VAMP7: variants seen among roughly 807,000 people sequenced by gnomAD.
VAMP7 encodes the protein vesicle associated membrane protein 7, also known as vesicle-associated membrane protein 7.
In VAMP7, 14 loss-of-function variants were observed where a neutral mutation model predicts 29.6. That is an observed-to-expected ratio of 0.47 (90% confidence interval 0.31 to 0.74). VAMP7 has a LOEUF of 0.74. VAMP7 is among the 30% of genes least tolerant of loss of function. The probability of loss-of-function intolerance (pLI) is 0.05; values close to 1 mark genes in which losing one functional copy is unlikely to be tolerated. For missense variants in VAMP7, 223 were observed against 262.4 expected (o/e 0.85, Z 1.04); for synonymous variants, 95 against 88.1 (o/e 1.08, Z -0.44).
chrX:155,925,203 A>T (rs1461282941), intron 6 of VAMP7, among the ~76,000 whole-genome samples: 3 of 152,096 alleles, frequency 2.0e-5, no homozygotes, highest in Non-Finnish European at 4.4e-5. Context: ...TAATGTTTAT[A>T]TTTTGACTTC....
intron 5 of VAMP7, among the ~76,000 whole-genome samples, chrX:155,912,803 C>G (rs1476581408): frequency 6.6e-6 from 1 of 152,030 alleles, no homozygotes; most frequent in African/African-American, 2.4e-5. Context: ...CTATTGTGAA[C>G]AGTGCTGCAA....
At chrX:155,887,944 A>AG (rs1300502409) in intron 1 of VAMP7, among the ~76,000 whole-genome samples, 1 of 151,840 alleles carries the variant, frequency 6.6e-6, no homozygotes, top group Admixed American at 6.6e-5. Flanking sequence ...TCTCAAAAAA[A>AG]AAAAAAAAAG....
At chrX:155,896,927 A>G (rs2065995785) in intron 3 of VAMP7, among the ~76,000 whole-genome samples, 1 of 151,906 alleles carries the variant, frequency 6.6e-6, no homozygotes. Flanking sequence ...AACACACACA[A>G]TTCTAACAAA....
chrX:155,923,612 CTT>C (rs1490667832), intron 6 of VAMP7, among the ~76,000 whole-genome samples: 1 of 151,494 alleles, frequency 6.6e-6, no homozygotes, highest in East Asian at 1.9e-4. Context: ...AAGATTTTCT[CTT>C]TATCATTGGT....
intron 5 of VAMP7, among the ~76,000 whole-genome samples, chrX:155,919,450 A>G (rs28538658): frequency 0.029 from 4,489 of 152,202 alleles, 240 homozygotes; most frequent in African/African-American, 0.1. Context: ...ATATGCAAGG[A>G]CTTTTTCTTG....
At chrX:155,900,786 A>G (rs1035678920) in intron 5 of VAMP7, among the ~76,000 whole-genome samples, 199 bp downstream of exon 5, 82 of 152,222 alleles carry the variant, frequency 5.4e-4, no homozygotes, top group South Asian at 1.0e-3. Flanking sequence ...TCTTCATTCT[A>G]AATTTACTAG....
intron 6 of VAMP7, 97 bp from the exon 7 acceptor site, chrX:155,939,604 A>G: frequency 1.1e-6 from 1 of 896,386 alleles, no homozygotes; most frequent in South Asian, 1.4e-5. Flanking sequence ...CATTGGACTT[A>G]AATGGAATTA....
At chrX:155,898,879 C>G (rs111583055) in intron 4 of VAMP7, among the ~76,000 whole-genome samples, 9,739 of 152,084 alleles carry the variant, frequency 0.064, 447 homozygotes, top group Non-Finnish European at 0.1. Flanking sequence ...TGTAAACTTT[C>G]TGTAAATGGA....
Position 155,938,193 on chromosome X carries a change from A to C in VAMP7, c.502-1508A>C, listed in dbSNP as rs1160008406. 3.9e-5 allele frequency among the ~76,000 whole-genome samples: 6 copies of C among 152,040 alleles called. No individual in the cohort carries two copies. The East Asian group carries it at 1.2e-3, about 29-fold the overall frequency. ...GTTCCATTAAGGACTGTTTGTCCCC[A>C]TTGCTTTTTTTGTCTCCTCACTTTA... On this transcript the variant is annotated intron_variant, in intron 6 of 7. Coordinates refer to ENST00000286448, the MANE Select transcript of VAMP7 (RefSeq NM_005638.6).
At chrX:155,920,602 C>T (rs2066381502) in intron 6 of VAMP7, among the ~76,000 whole-genome samples, 1 of 152,164 alleles carries the variant, frequency 6.6e-6, no homozygotes, top group African/African-American at 2.4e-5. Flanking sequence ...TGGTTAAGAA[C>T]ACAGGCTCTA....
chrX:155,921,416 A>G (rs1383198100), intron 6 of VAMP7, among the ~76,000 whole-genome samples: 3 of 152,028 alleles, frequency 2.0e-5, no homozygotes, highest in Non-Finnish European at 4.4e-5. Flanking sequence ...AATAATCCCC[A>G]ATAGACGTAA....
Position 155,942,218 on chromosome X carries a change from A to T in VAMP7, c.*267A>T. The T allele has an allele frequency of 1.3e-6, 2 of 1,489,580 alleles. No individual in the cohort carries two copies. Among genetic ancestry groups the T allele is most frequent in the Non-Finnish European group, 1.8e-6 (2 of 1,115,842 alleles). 92.3% of individuals were successfully genotyped at this position (1,489,580 alleles called of 1,614,324 possible). A position where few individuals can be genotyped will look rare whatever the true frequency, so the allele number is the denominator to read the frequency against. On this transcript the variant is annotated 3_prime_UTR_variant, in exon 8 of 8. Transcript: ENST00000286448. ...TTTCTTTGGTTTGTTAACTAGTGTC[A>T]TCTATTTAGAGAAACATTTTTGTTT...
At position 155,942,266 on chromosome X, in the gene VAMP7, G is replaced by C; in HGVS notation, c.*315G>C. On this transcript the variant is annotated 3_prime_UTR_variant, in exon 8 of 8. Transcript: ENST00000286448. ...TTTTTAATTGCTCAAAGCTGTCGCC[G>C]CTAGTCTTATGAGCTATCTACTAAA... The C allele has an allele frequency of 1.6e-6, 2 of 1,231,228 alleles. No homozygotes were observed. The highest frequency in any genetic ancestry group is 1.6e-5 in the South Asian group (1 of 61,730). The allele number at this position is 1,231,228 out of a possible 1,614,324, so 76.3% of individuals were successfully genotyped here. A position where few individuals can be genotyped will look rare whatever the true frequency, so the allele number is the denominator to read the frequency against.
chrX:155,898,968 A>G (rs1476594133), intron 4 of VAMP7, among the ~76,000 whole-genome samples: 1 of 151,972 alleles, frequency 6.6e-6, no homozygotes, highest in Non-Finnish European at 1.5e-5. Flanking sequence ...TGTTGTATAA[A>G]TCAGTAGTTT....
chrX:155,896,162 T>C (rs983463597), intron 3 of VAMP7, among the ~76,000 whole-genome samples: 26 of 152,228 alleles, frequency 1.7e-4, no homozygotes, highest in Non-Finnish European at 3.5e-4. Context: ...ATTTGTCATA[T>C]AGAGCAGCAA....
intron 5 of VAMP7, among the ~76,000 whole-genome samples, chrX:155,917,594 G>A (rs2066332267): frequency 6.6e-6 from 1 of 152,138 alleles, no homozygotes; most frequent in Non-Finnish European, 1.5e-5. Context: ...GTTTGTTGGA[G>A]GTCCACTCCA....
At chrX:155,907,972 A>G (rs1239482257) in intron 5 of VAMP7, among the ~76,000 whole-genome samples, 3 of 151,922 alleles carry the variant, frequency 2.0e-5, no homozygotes, top group Non-Finnish European at 4.4e-5. Flanking sequence ...GCGGCCGGGC[A>G]GAGACGCTCC....
chrX:155,916,799 C>T (rs2066320206), intron 5 of VAMP7, among the ~76,000 whole-genome samples: 1 of 152,116 alleles, frequency 6.6e-6, no homozygotes, highest in Non-Finnish European at 1.5e-5. Context: ...TTTTTTCCTG[C>T]ATTTCATCCT....
At chrX:155,888,684 T>TA (rs1206019156) in intron 1 of VAMP7, among the ~76,000 whole-genome samples, 1 of 152,226 alleles carries the variant, frequency 6.6e-6, no homozygotes, top group African/African-American at 2.4e-5. Flanking sequence ...TGAAGGGTCT[T>TA]ACCATTCCTT....
Sources: gnomAD v4.1 joint callset for allele counts (sites outside exome capture counted in the v4.1 genomes callset) on GRCh38, gnomAD v4.1.1 for gene constraint, MANE v1.5 for transcripts, NCBI Gene and HGNC (gene_info 2026-07-23, HGNC 2026-07-21) for gene names.